Variants in TPRG1 observed in about 807,000 individuals in gnomAD.
TPRG1 encodes the protein tumor protein p63 regulated 1.
Under a neutral mutation model 29.3 loss-of-function variants are expected in TPRG1, and 29 were observed. That is an observed-to-expected ratio of 0.99 (90% CI 0.74 to 1.35). The LOEUF is 1.35. Among genes scored for constraint, TPRG1 ranks in the 40% most tolerant of loss-of-function variants. The pLI is 0.00. For missense variants in TPRG1, 327 were observed against 335.0 expected (o/e 0.98, Z 0.19); for synonymous variants, 130 against 116.8 (o/e 1.11, Z -0.73).
chr3:189,029,025 T>TAAAA (rs11431656), intron 4 of TPRG1, among the ~76,000 whole-genome samples: 1 of 131,816 alleles, frequency 7.6e-6, no homozygotes, highest in Non-Finnish European at 1.7e-5. Flanking sequence ...GTGTTTTCAA[T>TAAAA]AAAAAAAAAA....
At chr3:189,009,679 T>A (rs1452536046) in intron 3 of TPRG1, among the ~76,000 whole-genome samples, 4 of 152,056 alleles carry the variant, frequency 2.6e-5, no homozygotes, top group Non-Finnish European at 5.9e-5. Context: ...AATGCAAAGT[T>A]CTTTCCCAAT....
At chr3:189,163,401 G>C (rs574442430) in intron 5 of TPRG1, among the ~76,000 whole-genome samples, 4 of 152,164 alleles carry the variant, frequency 2.6e-5, no homozygotes, top group African/African-American at 9.7e-5. Flanking sequence ...TTTGATATGT[G>C]TTAGCTCAAG....
chr3:189,206,673 G>T (rs1294755510), intron 1 of TPRG1, among the ~76,000 whole-genome samples: 1 of 151,788 alleles, frequency 6.6e-6, no homozygotes, highest in African/African-American at 2.4e-5. Flanking sequence ...GCTAATTTTT[G>T]TATTTTTTGT....
At chr3:189,025,682 G>A (rs1165411058) in intron 4 of TPRG1, among the ~76,000 whole-genome samples, 4 of 152,182 alleles carry the variant, frequency 2.6e-5, no homozygotes, top group African/African-American at 9.7e-5. Context: ...GGAAAAACAA[G>A]GAGTAACTTG....
chr3:189,124,663 C>T (rs1722243742), intron 1 of TPRG1, among the ~76,000 whole-genome samples: 1 of 152,076 alleles, frequency 6.6e-6, no homozygotes, highest in East Asian at 1.9e-4. Context: ...GCAATGTCCT[C>T]TCCACTTTAT....
At chr3:189,231,951 G>GTGTGTGTGTGTGTA (rs1553927550) in intron 3 of TPRG1, among the ~76,000 whole-genome samples, 1 of 150,874 alleles carries the variant, frequency 6.6e-6, no homozygotes, top group Non-Finnish European at 1.5e-5. Flanking sequence ...GTTTGTGTGT[G>GTGTGTGTGTGTGTA]TGTGTGTGTG....
chr3:189,053,920 G>GC (rs1451186008), intron 4 of TPRG1, among the ~76,000 whole-genome samples: 1 of 152,178 alleles, frequency 6.6e-6, no homozygotes, highest in Non-Finnish European at 1.5e-5. Context: ...CTTTGTATCT[G>GC]CAATAAGGCT....
At chr3:189,228,052 C>T (rs897799346) in intron 3 of TPRG1, among the ~76,000 whole-genome samples, 2 of 151,990 alleles carry the variant, frequency 1.3e-5, no homozygotes, top group African/African-American at 2.4e-5. Flanking sequence ...ACCTGGGAGG[C>T]GGAGGTTGCA....
At chr3:189,030,726 A>G (rs1713886761) in intron 4 of TPRG1, among the ~76,000 whole-genome samples, 1 of 152,084 alleles carries the variant, frequency 6.6e-6, no homozygotes, top group Non-Finnish European at 1.5e-5. Flanking sequence ...TTCTGTACGT[A>G]TGAGGAAGGG....
intron 1 of TPRG1, among the ~76,000 whole-genome samples, chr3:189,188,247 G>A (rs1731213629): frequency 6.6e-6 from 1 of 152,228 alleles, no homozygotes; most frequent in African/African-American, 2.4e-5. Flanking sequence ...CTTTAGGGAT[G>A]TGTGCTGGGA....
At chr3:189,210,146 T>C (rs947768477) in intron 2 of TPRG1, among the ~76,000 whole-genome samples, 3 of 152,158 alleles carry the variant, frequency 2.0e-5, no homozygotes, top group Admixed American at 6.6e-5. Context: ...GGGGAGGGTA[T>C]TGGATGTATA....
At chr3:189,313,013 GC>G (rs1722950671) in intron 5 of TPRG1, 1 of 151,490 alleles carries the variant, frequency 6.6e-6, no homozygotes, top group African/African-American at 2.4e-5. Flanking sequence ...TTCCTTTAAG[GC>G]TTTTCTCCTT....
chr3:189,112,451 A>G (rs1368697706), intron 1 of TPRG1, among the ~76,000 whole-genome samples: 1 of 152,186 alleles, frequency 6.6e-6, no homozygotes, highest in African/African-American at 2.4e-5. Flanking sequence ...GTCCTTGCCC[A>G]AGCCTATGTC....
At position 189,036,907 on chromosome 3, in the gene TPRG1, T is replaced by C. The variant is rs1319928800; in HGVS notation, c.-463+12961T>C. Among the ~76,000 whole-genome samples, 3 of 150,624 alleles carry C rather than the reference T, an allele frequency of 2.0e-5. No homozygotes were observed. In the East Asian group the frequency reaches 5.9e-4, roughly 29 times the overall value. On this transcript the variant is annotated intron_variant, in intron 4 of 10. Transcript: ENST00000433971. The stretch of plus-strand genomic sequence containing the variant: ...ATTCCAGAATCAGCAGAAGAAGAAA[T>C]AAAAAATTTGAAAGGTCTAAAAATC...
In TPRG1 at chr3:189,323,590, T is replaced by G. The variant is rs1291787687; in HGVS notation, c.*2770T>G. 6.6e-6 allele frequency: 1 copy of G among 152,154 alleles called. No homozygotes were observed. Among genetic ancestry groups the G allele is most frequent in the Non-Finnish European group, 1.5e-5 (1 of 67,998 alleles). The allele number at this position is 152,154 out of a possible 1,614,324, so 9.4% of individuals were successfully genotyped here. ...TTCATTACCATCGACCTACTGATTA[T>G]GGTTTTCTCATTTTACACTTGGTGT... is the stretch of plus-strand genomic sequence containing the variant. On this transcript the variant is annotated 3_prime_UTR_variant, in exon 6 of 6. Coordinates refer to ENST00000345063, the MANE Select transcript of TPRG1 (RefSeq NM_198485.4).
intron 4 of TPRG1, among the ~76,000 whole-genome samples, chr3:189,057,111 T>G (rs926799216): frequency 6.6e-6 from 1 of 152,206 alleles, no homozygotes; most frequent in African/African-American, 2.4e-5. Flanking sequence ...CCGTTAGGAT[T>G]GGGGAGTTTC....
At chr3:189,175,180 A>C (rs971368766) in intron 1 of TPRG1, among the ~76,000 whole-genome samples, 1 of 152,212 alleles carries the variant, frequency 6.6e-6, no homozygotes, top group East Asian at 1.9e-4. Flanking sequence ...AGAAGAAAGC[A>C]AATATTGAGG....
rs541716356 is a variant in TPRG1 at position 189,191,148 on chromosome 3, A to G, written c.-9-16228A>G. ...TATGGTCATATATAATTTTATTTTC[A>G]TATGTGCACATATCTTTATTGTTTT... On this transcript the variant is annotated intron_variant, in intron 1 of 5. Coordinates refer to ENST00000345063, the MANE Select transcript of TPRG1 (RefSeq NM_198485.4). 4.6e-5 allele frequency among the ~76,000 whole-genome samples: 7 copies of G among 152,300 alleles called. No individual in the cohort carries two copies. The East Asian group carries it at 9.6e-4, about 21-fold the overall frequency.
intron 4 of TPRG1, among the ~76,000 whole-genome samples, chr3:189,250,545 G>A (rs1370257726): frequency 1.7e-5 from 2 of 116,152 alleles, no homozygotes; most frequent in Non-Finnish European, 3.2e-5. Context: ...TGTTAACATG[G>A]AACTAAGTAG....
Sources: gnomAD v4.1 joint callset for allele counts (sites outside exome capture counted in the v4.1 genomes callset) on GRCh38, gnomAD v4.1.1 for gene constraint, MANE v1.5 for transcripts, NCBI Gene and HGNC (gene_info 2026-07-23, HGNC 2026-07-21) for gene names.